The following FRMPD2 variants were observed in gnomAD, a reference collection of about 807,000 sequenced individuals.
FRMPD2 encodes the protein FERM and PDZ domain-containing protein 2.
A neutral mutation model predicts 140.1 loss-of-function variants in FRMPD2; 96 were observed. The observed-to-expected ratio is 0.69, with a 90% CI of 0.58 to 0.81. FRMPD2 has a LOEUF of 0.81. Among genes scored for constraint, FRMPD2 ranks in the 40% least tolerant of loss-of-function variants. FRMPD2 has a pLI of 0.00. For missense variants in FRMPD2, 1,240 were observed against 1,447.4 expected (o/e 0.86, Z 2.32); for synonymous variants, 449 against 547.6 (o/e 0.82, Z 2.52).
intron 12 of FRMPD2, among the ~76,000 whole-genome samples, chr10:48,217,673 T>C (rs1839482331): frequency 6.6e-6 from 1 of 152,144 alleles, no homozygotes; most frequent in African/African-American, 2.4e-5. Context: ...AGGTGTTGGG[T>C]TTTAATGTCC....
intron 1 of FRMPD2, among the ~76,000 whole-genome samples, chr10:48,273,886 A>T (rs1461026732): frequency 2.5e-5 from 3 of 118,732 alleles, no homozygotes; most frequent in African/African-American, 3.4e-5. Flanking sequence ...TTGTTGCTTT[A>T]AAAAAAAAAA....
At chr10:48,191,471 G>A (rs752517675) in intron 16 of FRMPD2, among the ~76,000 whole-genome samples, 2 of 152,170 alleles carry the variant, frequency 1.3e-5, no homozygotes, top group Non-Finnish European at 1.5e-5. Flanking sequence ...CTTTGGGGTC[G>A]TTTGTTACAC....
At chr10:48,214,460 T>G (rs943349447) in intron 12 of FRMPD2, among the ~76,000 whole-genome samples, 2 of 152,208 alleles carry the variant, frequency 1.3e-5, no homozygotes, top group African/African-American at 4.8e-5. Flanking sequence ...GGTTCATTGA[T>G]TGTAACAAAT....
intron 10 of FRMPD2, among the ~76,000 whole-genome samples, chr10:48,230,336 A>T (rs981069285): frequency 1.6e-4 from 25 of 152,238 alleles, no homozygotes; most frequent in South Asian, 4.1e-4. Flanking sequence ...TACAATACTT[A>T]AAATTGGTTA....
intron 5 of FRMPD2, 35 bp from the exon 6 acceptor site, chr10:48,240,527 A>G: frequency 6.2e-7 from 1 of 1,611,226 alleles, no homozygotes; most frequent in Middle Eastern, 1.7e-4. Flanking sequence ...CCACATCCCA[A>G]GATAAGGAGG....
chr10:48,157,912 G>A (rs1281549985), intron 28 of FRMPD2, among the ~76,000 whole-genome samples: 1 of 145,460 alleles, frequency 6.9e-6, no homozygotes, highest in African/African-American at 2.6e-5. Context: ...GCTCACCACT[G>A]TCCCCACCAC....
chr10:48,264,753 C>T (rs1052429414), intron 1 of FRMPD2, among the ~76,000 whole-genome samples: 1 of 151,906 alleles, frequency 6.6e-6, no homozygotes, highest in African/African-American at 2.4e-5. Flanking sequence ...AGATTTAATC[C>T]CAGAAATTTA....
At chr10:48,174,556 G>C (rs1301437860) in intron 24 of FRMPD2, among the ~76,000 whole-genome samples, 3 of 151,666 alleles carry the variant, frequency 2.0e-5, no homozygotes, top group Non-Finnish European at 2.9e-5. Context: ...AGCCAGGCTA[G>C]AGCAGTCTCT....
chr10:48,198,217 G>A (rs550383241), intron 15 of FRMPD2, among the ~76,000 whole-genome samples: 46 of 152,166 alleles, frequency 3.0e-4, no homozygotes, highest in Admixed American at 6.5e-4. Flanking sequence ...GAAAACAGTC[G>A]TGCCTGCATG....
intron 12 of FRMPD2, among the ~76,000 whole-genome samples, chr10:48,221,324 A>C (rs1207153068): frequency 6.6e-6 from 1 of 152,208 alleles, no homozygotes; most frequent in Non-Finnish European, 1.5e-5. Flanking sequence ...TTCTAAGTGA[A>C]GTAACTCAGG....
intron 10 of FRMPD2, among the ~76,000 whole-genome samples, chr10:48,224,192 G>T (rs746908518): frequency 6.6e-6 from 1 of 152,024 alleles, no homozygotes; most frequent in Admixed American, 6.6e-5. Flanking sequence ...GCCACTGAAG[G>T]CCCCTCCCCC....
chr10:48,254,357 C>T (rs1272457346), intron 1 of FRMPD2, among the ~76,000 whole-genome samples: 1 of 152,224 alleles, frequency 6.6e-6, no homozygotes, highest in Non-Finnish European at 1.5e-5. Flanking sequence ...GGCAAAAATG[C>T]AAATTCCTTT....
At chr10:48,251,782 G>A (rs576798864) in intron 1 of FRMPD2, 91 bp from the exon 2 acceptor site, 39 of 1,501,578 alleles carry the variant, frequency 2.6e-5, no homozygotes, top group Non-Finnish European at 3.6e-5. Flanking sequence ...GCCAGGCATG[G>A]TCTGGCCACT....
chr10:48,187,950 T>A (rs1336506485), intron 16 of FRMPD2, among the ~76,000 whole-genome samples: 1 of 152,184 alleles, frequency 6.6e-6, no homozygotes, highest in African/African-American at 2.4e-5. Context: ...CCTAGCAGAA[T>A]AATGAGTCAA....
At chr10:48,190,253 G>A (rs1336159995) in intron 16 of FRMPD2, among the ~76,000 whole-genome samples, 2 of 152,168 alleles carry the variant, frequency 1.3e-5, no homozygotes, top group African/African-American at 2.4e-5. Context: ...CTCAGGTGTG[G>A]CCCTCTTTCT....
rs1251379404 is a variant in FRMPD2 at position 48,184,551 on chromosome 10, T to C, written c.2584+15A>G. 6.6e-7 allele frequency: 1 copy of C among 1,518,176 alleles called. No individual in the cohort carries two copies. The highest frequency in any genetic ancestry group is 1.4e-5 in the African/African-American group (1 of 73,018). The allele number at this position is 1,518,176 out of a possible 1,614,324, so 94.0% of individuals were successfully genotyped here. ...GGGGAGCCTCTTAAGCTCCCAAGAG[T>C]GGGTTAAAACATACCTTTTGACTGA... On this transcript the variant is annotated intron_variant, in intron 20 of 28. Transcript: ENST00000374201.
At chr10:48,219,694 C>T (rs1329824547) in intron 12 of FRMPD2, among the ~76,000 whole-genome samples, 1 of 152,218 alleles carries the variant, frequency 6.6e-6, no homozygotes, top group Non-Finnish European at 1.5e-5. Context: ...TAGGTAAATA[C>T]ATTAGCATAA....
chr10:48,161,981 C>A lies in FRMPD2; in HGVS notation c.3881+1347G>T, dbSNP rs1211043233. On this transcript the variant is annotated intron_variant, in intron 28 of 28. Coordinates refer to ENST00000374201, the MANE Select transcript of FRMPD2 (RefSeq NM_001018071.4). Reference sequence around the variant, plus strand: ...GCTCTCAGGGTCCCTGTTCATTATCCCAAGCTATCTGGCAGCAAAACCTTT... The same window carrying A: ...GCTCTCAGGGTCCCTGTTCATTATCACAAGCTATCTGGCAGCAAAACCTTT... 2.7e-5 allele frequency among the ~76,000 whole-genome samples: 4 copies of A among 150,152 alleles called. 1 individual carries two copies. The highest frequency in any genetic ancestry group is 4.4e-5 in the Non-Finnish European group (3 of 67,654).
rs762835115 is a variant in FRMPD2 at position 48,238,123 on chromosome 10, G to A, written c.789C>T (p.Arg263=). The change falls in exon 8 of 29, where the codon CGC becomes CGT. Residue 263 remains arginine, a splice_region_variant and synonymous_variant. Transcript: ENST00000374201. ...CCTGGGGATCTGCTCCTGGAAGAGC[G>A]CTGGCCAGGGGTTGAGAAGGGGTGA... ...THSHCSLLVN[R]ALPGADPQDQ... The A allele has an allele frequency of 2.6e-5, 42 of 1,609,194 alleles. No individual in the cohort carries two copies. Among genetic ancestry groups the A allele is most frequent in the Middle Eastern group, 1.7e-4 (1 of 6,058 alleles).
Sources: gnomAD v4.1 joint callset for allele counts (sites outside exome capture counted in the v4.1 genomes callset) on GRCh38, gnomAD v4.1.1 for gene constraint, MANE v1.5 for transcripts, NCBI Gene and HGNC (gene_info 2026-07-23, HGNC 2026-07-21) for gene names.